DTWD2: variants seen among roughly 807,000 people sequenced by gnomAD.
DTWD2 encodes the protein tRNA-uridine aminocarboxypropyltransferase 2.
In DTWD2, 39 loss-of-function variants were observed where a neutral mutation model predicts 31.8. The observed-to-expected ratio is 1.22, with a 90% CI of 0.95 to 1.60. The LOEUF (loss-of-function observed/expected upper bound fraction) is 1.60. Among genes scored for constraint, DTWD2 ranks in the 40% most tolerant of loss-of-function variants. DTWD2 has a pLI of 0.00. For synonymous variants in DTWD2, 180 were observed against 142.8 expected (o/e 1.26, Z -1.86); for missense variants, 515 against 381.5 (o/e 1.35, Z -2.92).
At chr5:118,854,366 T>C (rs1264894609) in intron 4 of DTWD2, among the ~76,000 whole-genome samples, 1 of 152,072 alleles carries the variant, frequency 6.6e-6, no homozygotes. Flanking sequence ...TGTCAAAATA[T>C]TGTCATTAAT....
rs549685203 is a variant in DTWD2 at position 118,876,712 on chromosome 5, G to A, written c.598-28494C>T. Among the ~76,000 whole-genome samples, 4 of 152,212 alleles carry A rather than the reference G, an allele frequency of 2.6e-5. No homozygotes were observed. In the South Asian group the frequency reaches 8.3e-4, roughly 32 times the overall value. ...AAGTCCTTAAACAGACCAATAATGA[G>A]CTCTGAAATTGAGGCAGTAATAAAT... is the stretch of plus-strand genomic sequence containing the variant. On this transcript the variant is annotated intron_variant, in intron 4 of 5. Transcript: ENST00000510708.
rs114726667 is a variant in DTWD2, at chr5:118,865,377, T to C, written c.598-17159A>G. ...TGGACTCATGAGTATAAATAAGTAC[T>C]TCTATCTTTACTTTCCCTTCAGTTC... On this transcript the variant is annotated intron_variant, in intron 4 of 5. Coordinates refer to ENST00000510708, the MANE Select transcript of DTWD2 (RefSeq NM_173666.4). Among the ~76,000 whole-genome samples, 1,256 of 152,306 alleles carry C rather than the reference T, an allele frequency of 8.2e-3. 13 individuals carry two copies. The highest frequency in any genetic ancestry group is 0.029 in the African/African-American group (1,197 of 41,578).
rs142516608 is a variant in DTWD2, at chr5:118,898,958, A to G, written c.597+29579T>C. Among the ~76,000 whole-genome samples the G allele has an allele frequency of 5.2e-4, 79 of 152,360 alleles. 1 individual carries two copies. The highest frequency in any genetic ancestry group is 7.9e-4 in the Non-Finnish European group (54 of 68,040). On this transcript the variant is annotated intron_variant, in intron 4 of 5. Coordinates refer to ENST00000510708, the MANE Select transcript of DTWD2 (RefSeq NM_173666.4). ...TATCTGTGAAATCGCCTGCTTACTA[A>G]AATTTATGTATAAACCCAACATGCA...
intron 4 of DTWD2, among the ~76,000 whole-genome samples, chr5:118,851,006 G>A (rs557929218): frequency 5.3e-4 from 81 of 152,146 alleles, no homozygotes; most frequent in Middle Eastern, 3.4e-3. Context: ...CAGCACTTTC[G>A]GAGGCCGAGG....
At chr5:118,941,957 G>T (rs543727620) in intron 2 of DTWD2, among the ~76,000 whole-genome samples, 48 of 152,276 alleles carry the variant, frequency 3.2e-4, no homozygotes, top group Non-Finnish European at 5.6e-4. Flanking sequence ...TCATGTGTCT[G>T]TTGGCTGCAT....
chr5:118,948,807 G>C (rs1245165679), intron 1 of DTWD2, among the ~76,000 whole-genome samples: 1 of 152,132 alleles, frequency 6.6e-6, no homozygotes. Flanking sequence ...AAAGGAAAGA[G>C]GAGTGGGGAA....
intron 4 of DTWD2, among the ~76,000 whole-genome samples, chr5:118,862,843 A>G (rs1057143283): frequency 3.9e-5 from 6 of 152,226 alleles, no homozygotes; most frequent in Non-Finnish European, 8.8e-5. Flanking sequence ...GGGTCATCAT[A>G]TGAGCCAATT....
At chr5:118,841,175 A>G in intron 5 of DTWD2, 88 bp from the exon 6 acceptor site, 6 of 1,448,764 alleles carry the variant, frequency 4.1e-6, no homozygotes, top group Non-Finnish European at 5.6e-6. Context: ...AGGAGTTACT[A>G]TGTTTCTTTT....
intron 4 of DTWD2, among the ~76,000 whole-genome samples, chr5:118,908,118 T>G (rs935931665): frequency 6.6e-6 from 1 of 152,194 alleles, no homozygotes; most frequent in African/African-American, 2.4e-5. Flanking sequence ...AGGACTTCTG[T>G]GTCCATGAAG....
intron 4 of DTWD2, among the ~76,000 whole-genome samples, chr5:118,879,579 C>T (rs948583275): frequency 3.5e-5 from 5 of 143,806 alleles, no homozygotes; most frequent in African/African-American, 1.3e-4. Flanking sequence ...CACTACACTC[C>T]AGCCTGGGCG....
intron 1 of DTWD2, among the ~76,000 whole-genome samples, chr5:118,975,232 C>A (rs1190208279): frequency 2.0e-5 from 3 of 152,064 alleles, no homozygotes; most frequent in Non-Finnish European, 4.4e-5. Flanking sequence ...CCTTTTCATT[C>A]TTTTTTCTGT....
rs772711227 is a variant in DTWD2, at chr5:118,840,881, G to A, written c.*36C>T. 5 of 1,594,696 alleles carry A rather than the reference G, an allele frequency of 3.1e-6. No individual in the cohort carries two copies. The Admixed American group carries it at 5.2e-5, about 17-fold the overall frequency. ...AAAACTTAATTTGGTATTGTTAGAT[G>A]AAGACAGTTAAGCTAGCACCAAAAG... On this transcript the variant is annotated 3_prime_UTR_variant, in exon 6 of 6. Transcript: ENST00000510708.
chr5:118,976,792 T>C lies in DTWD2; in HGVS notation c.218+11502A>G, dbSNP rs557651503. Among the ~76,000 whole-genome samples the C allele has an allele frequency of 2.1e-4, 32 of 152,314 alleles. No individual in the cohort carries two copies. In the South Asian group the frequency reaches 5.4e-3, roughly 26 times the overall value. On this transcript the variant is annotated intron_variant, in intron 1 of 5. Transcript: ENST00000510708. ...GCTGGTACCATTCCTTCTGAAACTA[T>C]TTCAAATAATAGAAAAAGAGGGACT...
In DTWD2 at chr5:118,928,672, C is replaced by A. The variant is rs1346533787; in HGVS notation, c.462G>T (p.Gly154=). 1.3e-6 allele frequency: 2 copies of A among 1,594,662 alleles called. No homozygotes were observed. Among genetic ancestry groups the A allele is most frequent in the Admixed American group, 3.4e-5 (2 of 59,030 alleles). The change falls in exon 4 of 6, where the codon GGG becomes GGT. Residue 154 remains glycine, a synonymous_variant. Transcript: ENST00000510708. ...RKSGTLILYP[G]AEAANLEEFI... is the part of the protein sequence containing the mutation. ...ATTCTTCCAAATTAGCAGCTTCAGC[C>A]CCTGGATATAATATTAATGTACCAG...
intron 1 of DTWD2, among the ~76,000 whole-genome samples, chr5:118,977,882 C>G (rs764151699): frequency 6.6e-6 from 1 of 152,092 alleles, no homozygotes; most frequent in Non-Finnish European, 1.5e-5. Flanking sequence ...CAAGACAATC[C>G]TAAGGAAAAG....
At chr5:118,907,904 C>A (rs1426433612) in intron 4 of DTWD2, among the ~76,000 whole-genome samples, 2 of 152,102 alleles carry the variant, frequency 1.3e-5, no homozygotes, top group Admixed American at 6.5e-5. Flanking sequence ...ATCTGCTTTA[C>A]TCGATCAATA....
intron 1 of DTWD2, among the ~76,000 whole-genome samples, chr5:118,961,073 A>C (rs994882133): frequency 9.4e-5 from 6 of 63,496 alleles, no homozygotes; most frequent in African/African-American, 2.3e-4. Context: ...CCCAAAACTA[A>C]AAGTTAAAAA....
intron 4 of DTWD2, among the ~76,000 whole-genome samples, chr5:118,867,571 T>C (rs1368417095): frequency 6.6e-6 from 1 of 152,234 alleles, no homozygotes; most frequent in Non-Finnish European, 1.5e-5. Flanking sequence ...TCTCTGGTCT[T>C]CCATTTTCTT....
chr5:118,926,315 C>T (rs746271364), intron 4 of DTWD2, among the ~76,000 whole-genome samples: 2 of 152,010 alleles, frequency 1.3e-5, no homozygotes, highest in African/African-American at 2.4e-5. Context: ...AACCAAATTC[C>T]GTTATGTTCT....
Sources: allele counts gnomAD v4.1 joint callset (sites outside exome capture counted in the v4.1 genomes callset), GRCh38; gene constraint gnomAD v4.1.1; transcripts MANE v1.5; gene names NCBI Gene and HGNC (gene_info 2026-07-23, HGNC 2026-07-21).